Variants in EMCN observed in about 807,000 individuals in gnomAD.
The protein encoded by EMCN is endomucin.
EMCN carries 37 observed loss-of-function variants against 38.4 expected under a neutral mutation model. That is an observed-to-expected ratio of 0.96 (90% CI 0.74 to 1.27). The LOEUF (loss-of-function observed/expected upper bound fraction) is 1.27, where lower values mean the gene tolerates loss of function less well. EMCN is among the 50% of genes most tolerant of loss of function. The pLI is 0.00. For missense variants in EMCN, 318 were observed against 302.8 expected (o/e 1.05, Z -0.37); for synonymous variants, 95 against 100.8 (o/e 0.94, Z 0.35).
intron 11 of EMCN, among the ~76,000 whole-genome samples, chr4:100,403,091 A>G (rs189922427): frequency 7.2e-5 from 11 of 151,984 alleles, no homozygotes; most frequent in African/African-American, 2.7e-4. Flanking sequence ...TAAAACTTTT[A>G]TTTTAGTTTC....
chr4:100,429,073 G>T (rs1025758321), intron 5 of EMCN, among the ~76,000 whole-genome samples: 1 of 152,082 alleles, frequency 6.6e-6, no homozygotes, highest in Non-Finnish European at 1.5e-5. Context: ...ATTGAAATAA[G>T]AAATCAGAAC....
chr4:100,431,118 A>C (rs1166714558), intron 5 of EMCN, among the ~76,000 whole-genome samples: 2 of 152,120 alleles, frequency 1.3e-5, no homozygotes, highest in Non-Finnish European at 2.9e-5. Context: ...CTCTTTTCCA[A>C]AGGCCTTTGG....
At chr4:100,422,329 G>A (rs1239717275) in intron 7 of EMCN, among the ~76,000 whole-genome samples, 1 of 152,034 alleles carries the variant, frequency 6.6e-6, no homozygotes, top group Non-Finnish European at 1.5e-5. Flanking sequence ...GAATCAGCAG[G>A]TCAGTAATTT....
At chr4:100,516,747 G>A (rs1729769250) in intron 1 of EMCN, among the ~76,000 whole-genome samples, 1 of 151,996 alleles carries the variant, frequency 6.6e-6, no homozygotes, top group Non-Finnish European at 1.5e-5. Context: ...GTTGTTCAGG[G>A]AGGGATGTAC....
At chr4:100,499,607 T>A (rs547731197) in intron 1 of EMCN, among the ~76,000 whole-genome samples, 2 of 152,332 alleles carry the variant, frequency 1.3e-5, no homozygotes, top group South Asian at 4.1e-4. Flanking sequence ...CCAAGAAGCA[T>A]TGTAAGCAAG....
Position 100,517,890 on chromosome 4 carries a change from G to A in EMCN, c.25C>T (p.Leu9Phe). 1 of 1,612,840 alleles carries A rather than the reference G, an allele frequency of 6.2e-7. No individual in the cohort carries two copies. Among genetic ancestry groups the A allele is most frequent in the Non-Finnish European group, 8.5e-7 (1 of 1,179,058 alleles). MELLQVTI[L>F]FLLPSICSSN... ...CTGCAAATACTGGGCAGAAGAAAAA[G>A]AATGGTCACTTGAAGCAGTTCCATG... is the stretch of plus-strand genomic sequence containing the variant. Residue 9 changes from leucine (L) to phenylalanine (F), a missense_variant, in exon 1 of 12, where the codon CTT becomes TTT. Coordinates refer to ENST00000296420, the MANE Select transcript of EMCN (RefSeq NM_016242.4).
chr4:100,495,928 G>T (rs1279917387), intron 1 of EMCN, among the ~76,000 whole-genome samples: 2 of 152,010 alleles, frequency 1.3e-5, no homozygotes, highest in Non-Finnish European at 2.9e-5. Flanking sequence ...ATTACCATCT[G>T]CTAAAAGTAG....
In EMCN at chr4:100,447,478, C is replaced by G. The variant is rs1263120995; in HGVS notation, c.415+55G>C. ...ACTGATTGGTGTAATTTGTTTTATT[C>G]TTGAGATTTTACCCATGAAAATACT... is the stretch of plus-strand genomic sequence containing the variant. On this transcript the variant is annotated intron_variant, in intron 5 of 11. Transcript: ENST00000296420. 13 of 1,286,144 alleles carry G rather than the reference C, an allele frequency of 1.0e-5. No homozygotes were observed. In the Admixed American group the frequency reaches 2.4e-4, roughly 24 times the overall value. 79.7% of individuals were successfully genotyped at this position (1,286,144 alleles called of 1,614,324 possible). A position where few individuals can be genotyped will look rare whatever the true frequency, so the allele number is the denominator to read the frequency against.
intron 1 of EMCN, chr4:100,486,767 G>GA (rs750371470): frequency 9.6e-5 from 78 of 815,928 alleles, no homozygotes; most frequent in Non-Finnish European, 1.1e-4. Flanking sequence ...TTGTTAAACA[G>GA]AAAACAACAA....
intron 3 of EMCN, among the ~76,000 whole-genome samples, chr4:100,467,541 G>A (rs1728352642): frequency 6.6e-6 from 1 of 151,900 alleles, no homozygotes; most frequent in Non-Finnish European, 1.5e-5. Context: ...AATTAGCCGG[G>A]CGTGGTGGTG....
At chr4:100,445,412 T>A (rs1248413320) in intron 5 of EMCN, among the ~76,000 whole-genome samples, 1 of 152,118 alleles carries the variant, frequency 6.6e-6, no homozygotes, top group East Asian at 1.9e-4. Flanking sequence ...GTTTTTGAAG[T>A]CGTTGCAAAA....
intron 1 of EMCN, among the ~76,000 whole-genome samples, chr4:100,505,925 G>A (rs1294907401): frequency 6.6e-6 from 1 of 151,938 alleles, no homozygotes; most frequent in Non-Finnish European, 1.5e-5. Context: ...AAATTTAGTT[G>A]TCCACAAAAC....
intron 4 of EMCN, among the ~76,000 whole-genome samples, chr4:100,459,807 T>G (rs1467073085): frequency 1.3e-5 from 2 of 152,198 alleles, no homozygotes; most frequent in Admixed American, 1.3e-4. Flanking sequence ...ATATACCACA[T>G]TTTCTTTACC....
At chr4:100,434,253 A>G (rs1578191702) in intron 5 of EMCN, among the ~76,000 whole-genome samples, 1 of 152,156 alleles carries the variant, frequency 6.6e-6, no homozygotes, top group East Asian at 1.9e-4. Context: ...CTCTGTGCAC[A>G]TAAGCTAGAA....
At chr4:100,453,325 G>GA (rs1200569399) in intron 4 of EMCN, among the ~76,000 whole-genome samples, 3 of 151,800 alleles carry the variant, frequency 2.0e-5, no homozygotes, top group South Asian at 4.2e-4. Flanking sequence ...AAATTTACAA[G>GA]AAAAAAACAA....
At chr4:100,420,122 A>G (rs1397493601) in intron 8 of EMCN, among the ~76,000 whole-genome samples, 2 of 152,174 alleles carry the variant, frequency 1.3e-5, no homozygotes, top group Non-Finnish European at 2.9e-5. Context: ...AATGTAACTC[A>G]ATAAGTATAT....
intron 1 of EMCN, among the ~76,000 whole-genome samples, chr4:100,488,221 C>G (rs1357136896): frequency 6.6e-6 from 1 of 152,164 alleles, no homozygotes; most frequent in Non-Finnish European, 1.5e-5. Context: ...AAATATCCAT[C>G]ATGACAAATA....
At chr4:100,407,851 C>T (rs1312132081) in intron 11 of EMCN, among the ~76,000 whole-genome samples, 1 of 152,140 alleles carries the variant, frequency 6.6e-6, no homozygotes, top group Non-Finnish European at 1.5e-5. Context: ...CCCTGTCTTT[C>T]AGGGATGCCA....
intron 3 of EMCN, among the ~76,000 whole-genome samples, chr4:100,472,404 C>A (rs1216775949): frequency 6.6e-6 from 1 of 151,656 alleles, no homozygotes; most frequent in African/African-American, 2.4e-5. Context: ...ATAAATTTTA[C>A]AAAAATAAGT....
Sources: gnomAD v4.1 joint callset for allele counts (sites outside exome capture counted in the v4.1 genomes callset) on GRCh38, gnomAD v4.1.1 for gene constraint, MANE v1.5 for transcripts, NCBI Gene and HGNC (gene_info 2026-07-23, HGNC 2026-07-21) for gene names.